MSR1: variants seen among roughly 807,000 people sequenced by gnomAD.
MSR1 encodes macrophage scavenger receptor 1, also known as macrophage scavenger receptor types I and II.
A neutral mutation model predicts 47.2 loss-of-function variants in MSR1; 53 were observed. The observed-to-expected ratio is 1.12, with a 90% CI of 0.90 to 1.41. MSR1 has a LOEUF of 1.41. Ranked by LOEUF, MSR1 falls within the 40% of genes most tolerant of loss-of-function variation. The pLI is 0.00. For synonymous variants in MSR1, 239 were observed against 185.6 expected (o/e 1.29, Z -2.34); for missense variants, 786 against 546.9 (o/e 1.44, Z -4.36).
chr8:16,133,429 G>A lies in MSR1; in HGVS notation c.1033+10129C>T, dbSNP rs537950087. Among the ~76,000 whole-genome samples the A allele has an allele frequency of 4.6e-5, 7 of 152,226 alleles. No homozygotes were observed. In the South Asian group the frequency reaches 1.5e-3, roughly 32 times the overall value. On this transcript the variant is annotated intron_variant, in intron 8 of 9. Transcript: ENST00000262101. ...TCCCATTGAAACTCTCCCAAAAATT[G>A]TCCTAGTTTGATGAGAGAAATGAGC...
chr8:16,110,115 A>G lies in MSR1; in HGVS notation c.1326T>C (p.Ser442=), dbSNP rs1024674657. Residue 442 remains serine, a synonymous_variant, in exon 10 of 10, where the codon TCT becomes TCC. Coordinates refer to ENST00000262101, the MANE Select transcript of MSR1 (RefSeq NM_138715.3). ...AAGTGCAAGTGACTCCAGCATCTTC[A>G]GAATGTGAACAGGCTCTTGTCCCCC... The part of the protein sequence containing the change: ...RQWGTRACSH[S]EDAGVTCTL 7 of 1,613,572 alleles carry G rather than the reference A, an allele frequency of 4.3e-6. No homozygotes were observed. Among genetic ancestry groups the G allele is most frequent in the Non-Finnish European group, 5.9e-6 (7 of 1,179,720 alleles).
intron 2 of MSR1, 116 bp from the exon 3 acceptor site, chr8:16,175,416 AG>A: frequency 1.1e-6 from 1 of 904,556 alleles, no homozygotes; most frequent in Non-Finnish European, 1.7e-6. Flanking sequence ...ATAAAAAAGA[AG>A]AAAAAATGTT....
chr8:16,182,443 A>G (rs927789472), intron 1 of MSR1, among the ~76,000 whole-genome samples: 7 of 152,152 alleles, frequency 4.6e-5, no homozygotes, highest in African/African-American at 1.7e-4. Context: ...TACTTTAGAA[A>G]CCTTTTTAAA....
intron 7 of MSR1, among the ~76,000 whole-genome samples, 158 bp downstream of exon 7, chr8:16,150,073 T>G (rs2117130822): frequency 6.7e-6 from 1 of 150,196 alleles, no homozygotes; most frequent in Admixed American, 6.7e-5. Context: ...CCACTTTTTA[T>G]CATCCAAGAA....
chr8:16,140,565 T>C (rs2117106791), intron 8 of MSR1: 1 of 1,042,492 alleles, frequency 9.6e-7, no homozygotes, highest in Middle Eastern at 4.6e-4. Context: ...AAGTGTTATA[T>C]TGTATGGTAG....
Position 16,168,514 on chromosome 8 carries a change from G to C in MSR1, c.574C>G (p.Leu192Val). 1 of 1,614,122 alleles carries C rather than the reference G, an allele frequency of 6.2e-7. No individual in the cohort carries two copies. Among genetic ancestry groups the C allele is most frequent in the East Asian group, 2.2e-5 (1 of 44,854 alleles). ...SLNTTLLDLQ[L>V]NIENLNGKIQ... ...TTGCCATTCAGATTTTCTATGTTGA[G>C]CTGCAAATCAAGCAATGTGGTATTC... Residue 192 changes from leucine to valine, a missense_variant, in exon 4 of 10, where the codon CTC becomes GTC. Transcript: ENST00000262101.
chr8:16,181,224 C>T (rs186467971), intron 1 of MSR1, among the ~76,000 whole-genome samples: 9 of 152,212 alleles, frequency 5.9e-5, no homozygotes, highest in Admixed American at 3.3e-4. Flanking sequence ...AATGTGATTG[C>T]TGGGTCAAAT....
At chr8:16,150,138 GTGTATATATATATA>G in intron 7 of MSR1, 79 bp downstream of exon 7, 1 of 176,894 alleles carries the variant, frequency 5.7e-6, no homozygotes, top group African/African-American at 5.1e-5. Flanking sequence ...ATGTGTGTGT[GTGTATATATATATA>G]TATATATATA....
intron 1 of MSR1, among the ~76,000 whole-genome samples, chr8:16,189,516 T>C (rs1276087218): frequency 1.0e-5 from 1 of 98,644 alleles, no homozygotes; most frequent in Non-Finnish European, 1.7e-5. Flanking sequence ...TTTTTATATA[T>C]AAAAAATCAT....
chr8:16,127,689 A>G (rs1800160349), intron 8 of MSR1, among the ~76,000 whole-genome samples: 1 of 152,190 alleles, frequency 6.6e-6, no homozygotes, highest in Admixed American at 6.5e-5. Flanking sequence ...TAACATATCT[A>G]AAGAGAAAGA....
intron 5 of MSR1, among the ~76,000 whole-genome samples, chr8:16,155,696 G>A (rs774016266): frequency 6.6e-6 from 1 of 151,862 alleles, no homozygotes; most frequent in Non-Finnish European, 1.5e-5. Flanking sequence ...TCTTCATTGA[G>A]AAAGTAGGAT....
chr8:16,118,323 C>T (rs1168270123), intron 9 of MSR1, among the ~76,000 whole-genome samples: 1 of 152,078 alleles, frequency 6.6e-6, no homozygotes, highest in Non-Finnish European at 1.5e-5. Flanking sequence ...CTGTGGGTGT[C>T]CCCTTCATAG....
At chr8:16,182,980 A>G (rs1044570589) in intron 1 of MSR1, among the ~76,000 whole-genome samples, 1 of 152,142 alleles carries the variant, frequency 6.6e-6, no homozygotes, top group African/African-American at 2.4e-5. Context: ...GCATCACCAC[A>G]AATATGTGAG....
intron 3 of MSR1, 130 bp from the exon 4 acceptor site, chr8:16,169,000 C>T (rs1261007208): frequency 3.2e-6 from 3 of 928,606 alleles, no homozygotes; most frequent in Admixed American, 2.4e-5. Context: ...TAGGCTAAAT[C>T]GAGTATTTTT....
chr8:16,171,891 A>T (rs977698071), intron 3 of MSR1, among the ~76,000 whole-genome samples: 35 of 152,306 alleles, frequency 2.3e-4, no homozygotes, highest in Non-Finnish European at 3.7e-4. Context: ...CACCTGTATA[A>T]ATGGGGTACT....
At chr8:16,145,302 T>C (rs1170907864) in intron 7 of MSR1, among the ~76,000 whole-genome samples, 2 of 152,126 alleles carry the variant, frequency 1.3e-5, no homozygotes, top group African/African-American at 4.8e-5. Context: ...TTTGAGAGCA[T>C]GCTTTAATAA....
chr8:16,189,618 A>T (rs1802128297), intron 1 of MSR1, among the ~76,000 whole-genome samples: 1 of 39,016 alleles, frequency 2.6e-5, no homozygotes, highest in Admixed American at 5.4e-4. Context: ...ATCTTATTTT[A>T]TATATATTTT....
chr8:16,139,552 G>T (rs910273699), intron 8 of MSR1: 3 of 983,538 alleles, frequency 3.1e-6, no homozygotes, highest in Non-Finnish European at 3.6e-6. Flanking sequence ...TGAAAATGTA[G>T]TCTGTTGATC....
intron 4 of MSR1, among the ~76,000 whole-genome samples, chr8:16,165,154 G>A (rs1801269249): frequency 1.3e-5 from 2 of 151,990 alleles, no homozygotes; most frequent in South Asian, 4.2e-4. Context: ...TTCCTGAAGT[G>A]GATTTGACCA....
Sources: gnomAD v4.1 joint callset for allele counts (sites outside exome capture counted in the v4.1 genomes callset) on GRCh38, gnomAD v4.1.1 for gene constraint, MANE v1.5 for transcripts, NCBI Gene and HGNC (gene_info 2026-07-23, HGNC 2026-07-21) for gene names.